MAF: variants seen among roughly 807,000 people sequenced by gnomAD.
MAF encodes transcription factor Maf.
MAF carries 10 observed loss-of-function variants against 22.0 expected under a neutral mutation model. The observed-to-expected ratio is 0.45, with a 90% CI of 0.28 to 0.77. MAF has a LOEUF of 0.77. Among genes scored for constraint, MAF ranks in the 30% least tolerant of loss-of-function variants. The pLI is 0.12. For missense variants in MAF, 544 were observed against 548.4 expected (o/e 0.99, Z 0.08); for synonymous variants, 337 against 255.8 (o/e 1.32, Z -3.03).
At chr16:79,271,438 A>G in the MAF span, among the ~76,000 whole-genome samples, 1 of 152,190 alleles carries the variant, frequency 6.6e-6, no homozygotes, top group Admixed American at 6.5e-5. Flanking sequence ...TAGGCAAGTC[A>G]TGTAAAACTT....
chr16:79,516,769 G>A, the MAF span, among the ~76,000 whole-genome samples: 1 of 152,152 alleles, frequency 6.6e-6, no homozygotes, highest in Non-Finnish European at 1.5e-5. Flanking sequence ...CCCAGACTGT[G>A]TACCCTGGAG....
chr16:79,445,156 C>T, the MAF span, among the ~76,000 whole-genome samples: 1 of 152,082 alleles, frequency 6.6e-6, no homozygotes, highest in African/African-American at 2.4e-5. Flanking sequence ...GCCTCAGCCC[C>T]CTGAGCAGCT....
chr16:79,533,406 T>C, the MAF span, among the ~76,000 whole-genome samples: 1 of 152,180 alleles, frequency 6.6e-6, no homozygotes, highest in Admixed American at 6.5e-5. Flanking sequence ...TATAAAAATA[T>C]TCCTTATATT....
the MAF span, among the ~76,000 whole-genome samples, chr16:79,323,735 T>C: frequency 6.6e-6 from 1 of 152,164 alleles, no homozygotes; most frequent in Non-Finnish European, 1.5e-5. Flanking sequence ...ACCGGGCATC[T>C]GAGAGCAACA....
the MAF span, among the ~76,000 whole-genome samples, chr16:79,253,605 C>G: frequency 6.6e-6 from 1 of 152,050 alleles, no homozygotes; most frequent in Non-Finnish European, 1.5e-5. Context: ...GGGGCGTGGT[C>G]ACATACACAT....
the MAF span, among the ~76,000 whole-genome samples, chr16:79,520,310 G>C: frequency 6.6e-6 from 1 of 152,070 alleles, no homozygotes; most frequent in Non-Finnish European, 1.5e-5. Context: ...TTGCCTAAGA[G>C]ACCCTTCAGT....
At chr16:79,283,666 G>T in the MAF span, among the ~76,000 whole-genome samples, 1 of 152,104 alleles carries the variant, frequency 6.6e-6, no homozygotes, top group Non-Finnish European at 1.5e-5. Flanking sequence ...TGGTAGTGTC[G>T]CCATAACCAA....
At chr16:79,322,172 G>T in the MAF span, among the ~76,000 whole-genome samples, 2 of 152,166 alleles carry the variant, frequency 1.3e-5, no homozygotes, top group African/African-American at 2.4e-5. Flanking sequence ...GGCGGAGGTT[G>T]CATTGAGCCA....
chr16:79,208,660 TTC>T, the MAF span, among the ~76,000 whole-genome samples: 1 of 152,084 alleles, frequency 6.6e-6, no homozygotes, highest in African/African-American at 2.4e-5. Context: ...TAAGAATGCT[TTC>T]TCTTTTATTG....
At chr16:79,247,304 C>T in the MAF span, among the ~76,000 whole-genome samples, 1 of 152,180 alleles carries the variant, frequency 6.6e-6, no homozygotes, top group Non-Finnish European at 1.5e-5. Context: ...ACTGGCATGT[C>T]AATGGAGAAC....
chr16:79,558,509 T>C, the MAF span, among the ~76,000 whole-genome samples: 1 of 152,220 alleles, frequency 6.6e-6, no homozygotes, highest in East Asian at 1.9e-4. Context: ...CTGATTTATA[T>C]TATTGTTTAT....
the MAF span, among the ~76,000 whole-genome samples, chr16:79,435,250 AC>A: frequency 2.0e-5 from 3 of 151,848 alleles, no homozygotes; most frequent in East Asian, 1.9e-4. Flanking sequence ...GACTGTGCAC[AC>A]ACACACACAC....
the MAF span, among the ~76,000 whole-genome samples, chr16:79,445,681 G>A: frequency 2.9e-4 from 44 of 152,264 alleles, no homozygotes; most frequent in Non-Finnish European, 5.9e-4. Flanking sequence ...TACAGAATAC[G>A]CTTTGTCGAC....
chr16:79,465,575 G>A, the MAF span, among the ~76,000 whole-genome samples: 103,264 of 152,096 alleles, frequency 0.68, 36,105 homozygotes, highest in Non-Finnish European at 0.76. Flanking sequence ...ACTCCAGCCC[G>A]GGTGACAGAG....
At chr16:79,229,846 G>A in the MAF span, among the ~76,000 whole-genome samples, 2 of 152,048 alleles carry the variant, frequency 1.3e-5, no homozygotes, top group Non-Finnish European at 2.9e-5. Flanking sequence ...CTTCCTCGTA[G>A]AATGACCTGA....
chr16:79,264,925 C>T, the MAF span, among the ~76,000 whole-genome samples: 1 of 152,106 alleles, frequency 6.6e-6, no homozygotes. Context: ...CAGAGACTTG[C>T]AAAGTCAAAG....
At chr16:79,230,910 G>T in the MAF span, among the ~76,000 whole-genome samples, 1 of 151,988 alleles carries the variant, frequency 6.6e-6, no homozygotes, top group African/African-American at 2.4e-5. Flanking sequence ...GATCCTACGG[G>T]GTAGGGCTGC....
At chr16:79,481,116 C>G in the MAF span, among the ~76,000 whole-genome samples, 2 of 152,196 alleles carry the variant, frequency 1.3e-5, no homozygotes, top group South Asian at 4.1e-4. Context: ...TCTGTTCCCA[C>G]TGGCTGACAG....
At chr16:79,488,139 C>G in the MAF span, among the ~76,000 whole-genome samples, 369 of 152,312 alleles carry the variant, frequency 2.4e-3, 1 homozygote, top group Non-Finnish European at 4.3e-3. Context: ...ACGGATAACT[C>G]ATCCTGCTCA....
Sources: gnomAD v4.1 joint callset for allele counts (sites outside exome capture counted in the v4.1 genomes callset) on GRCh38, gnomAD v4.1.1 for gene constraint, MANE v1.5 for transcripts, NCBI Gene and HGNC (gene_info 2026-07-23, HGNC 2026-07-21) for gene names.